RABGAP1L: variants seen among roughly 807,000 people sequenced by gnomAD.
RABGAP1L encodes the protein RAB GTPase activating protein 1 like.
RABGAP1L carries 63 observed loss-of-function variants against 137.7 expected under a neutral mutation model. The ratio of observed to expected loss-of-function variants is 0.46; its 90% CI spans 0.37 to 0.56. The LOEUF is 0.56. RABGAP1L is among the 20% of genes least tolerant of loss of function. RABGAP1L has a pLI of 0.00. For synonymous variants in RABGAP1L, 431 were observed against 433.7 expected (o/e 0.99, Z 0.08); for missense variants, 1,095 against 1,244.0 (o/e 0.88, Z 1.80).
At chr1:174,877,757 T>A in intron 19 of RABGAP1L, 2 of 767,636 alleles carry the variant, frequency 2.6e-6, no homozygotes, top group Non-Finnish European at 4.1e-6. Context: ...AACACTCATA[T>A]AACAGTAGCA....
intron 18 of RABGAP1L, among the ~76,000 whole-genome samples, chr1:174,763,624 C>T (rs1685420965): frequency 8.3e-6 from 1 of 120,590 alleles, no homozygotes; most frequent in Non-Finnish European, 1.6e-5. Flanking sequence ...GCACTCCAGC[C>T]TGGGCGACAG....
At chr1:174,490,136 T>C (rs1228780089) in intron 13 of RABGAP1L, among the ~76,000 whole-genome samples, 1 of 152,066 alleles carries the variant, frequency 6.6e-6, no homozygotes, top group Non-Finnish European at 1.5e-5. Context: ...ATTATGTTGA[T>C]GGTTGTAGAT....
At chr1:174,611,571 AGTTTT>A (rs1671256167) in intron 13 of RABGAP1L, among the ~76,000 whole-genome samples, 1 of 149,342 alleles carries the variant, frequency 6.7e-6, no homozygotes, top group Admixed American at 6.7e-5. Context: ...ACTTTAAAGT[AGTTTT>A]TTCCAATTCT....
At chr1:174,789,616 T>C (rs1687706214) in intron 18 of RABGAP1L, among the ~76,000 whole-genome samples, 1 of 152,160 alleles carries the variant, frequency 6.6e-6, no homozygotes, top group Non-Finnish European at 1.5e-5. Flanking sequence ...CACAAGTTAC[T>C]GTGTTGTGTC....
At position 174,472,813 on chromosome 1, in the gene RABGAP1L, A is replaced by G. The variant is rs1658090830; in HGVS notation, c.1710+78668A>G. On this transcript the variant is annotated intron_variant, in intron 13 of 25. Coordinates refer to ENST00000681986, the MANE Select transcript of RABGAP1L (RefSeq NM_001366446.1). ...ATTGTTCATATAACAGTTTAGGTAC[A>G]ATAAACCACATTTATCAGGGAATAA... 3.9e-5 allele frequency among the ~76,000 whole-genome samples: 6 copies of G among 152,202 alleles called. 1 individual carries two copies. In the South Asian group the frequency reaches 1.2e-3, roughly 31 times the overall value.
intron 19 of RABGAP1L, among the ~76,000 whole-genome samples, chr1:174,896,129 G>A (rs574686076): frequency 1.8e-4 from 28 of 152,202 alleles, no homozygotes; most frequent in African/African-American, 3.9e-4. Flanking sequence ...TTTAATGATC[G>A]CCATTCTAAC....
intron 19 of RABGAP1L, chr1:174,892,726 T>TCC (rs2149125174): frequency 2.5e-5 from 12 of 476,212 alleles, no homozygotes; most frequent in African/African-American, 1.9e-4. Context: ...TTTCTTTGTT[T>TCC]TCTTTCTTTT....
At chr1:174,569,344 T>C (rs1667813948) in intron 13 of RABGAP1L, among the ~76,000 whole-genome samples, 2 of 152,272 alleles carry the variant, frequency 1.3e-5, no homozygotes, top group South Asian at 4.1e-4. Flanking sequence ...CTTCCTCCTG[T>C]TACAGACATG....
chr1:174,848,906 C>T (rs1321454918), intron 19 of RABGAP1L, among the ~76,000 whole-genome samples: 1 of 150,800 alleles, frequency 6.6e-6, no homozygotes, highest in African/African-American at 2.4e-5. Flanking sequence ...ACCCTCCGAG[C>T]CAGGTGTGGG....
chr1:174,184,558 A>G (rs1666651278), intron 1 of RABGAP1L, among the ~76,000 whole-genome samples: 1 of 152,220 alleles, frequency 6.6e-6, no homozygotes, highest in Non-Finnish European at 1.5e-5. Context: ...TAAAATGTCC[A>G]AAACGAAATC....
intron 11 of RABGAP1L, among the ~76,000 whole-genome samples, chr1:174,309,997 C>CT (rs941782619): frequency 3.3e-5 from 5 of 152,086 alleles, no homozygotes; most frequent in East Asian, 1.9e-4. Context: ...CCTGAGCTTC[C>CT]TTTTTTTGCT....
intron 19 of RABGAP1L, among the ~76,000 whole-genome samples, chr1:174,855,280 C>T (rs559730151): frequency 3.4e-4 from 52 of 152,246 alleles, no homozygotes; most frequent in African/African-American, 1.2e-3. Context: ...GCCAGGTAGA[C>T]CACCACTCTG....
At chr1:174,859,277 C>A (rs1046597984) in intron 19 of RABGAP1L, among the ~76,000 whole-genome samples, 1 of 151,900 alleles carries the variant, frequency 6.6e-6, no homozygotes, top group African/African-American at 2.4e-5. Context: ...GTCAGGAGAT[C>A]GAGACCATCT....
chr1:174,696,878 G>A (rs192018841), intron 15 of RABGAP1L, among the ~76,000 whole-genome samples: 16 of 152,266 alleles, frequency 1.1e-4, no homozygotes, highest in Admixed American at 7.8e-4. Context: ...TGTTTCTTGC[G>A]TGGATAGTTG....
At chr1:174,216,587 G>GTTT in intron 1 of RABGAP1L, among the ~76,000 whole-genome samples, 1 of 137,310 alleles carries the variant, frequency 7.3e-6, no homozygotes, top group Non-Finnish European at 1.6e-5. Flanking sequence ...TTGCTGTCAT[G>GTTT]TTTTTTTTTT....
chr1:174,493,428 T>C (rs1208180574), intron 13 of RABGAP1L, among the ~76,000 whole-genome samples: 1 of 151,800 alleles, frequency 6.6e-6, no homozygotes, highest in Non-Finnish European at 1.5e-5. Context: ...TCCAAAATAA[T>C]ACTCTCAGTC....
chr1:174,551,460 G>A (rs1268495518), intron 13 of RABGAP1L, among the ~76,000 whole-genome samples: 1 of 151,986 alleles, frequency 6.6e-6, no homozygotes, highest in Non-Finnish European at 1.5e-5. Flanking sequence ...ACATACAACT[G>A]AATGAAAATA....
chr1:174,878,925 GT>G (rs869251284), intron 19 of RABGAP1L, among the ~76,000 whole-genome samples: 1,832 of 85,088 alleles, frequency 0.022, 3 homozygotes, highest in Middle Eastern at 0.048. Flanking sequence ...TTTGTGCATT[GT>G]TTTTTTTTTT....
At chr1:174,209,074 A>G (rs1206736011) in intron 1 of RABGAP1L, among the ~76,000 whole-genome samples, 1 of 152,190 alleles carries the variant, frequency 6.6e-6, no homozygotes, top group Non-Finnish European at 1.5e-5. Context: ...AGGAGCACTC[A>G]ACCTAGATCC....
Sources: gnomAD v4.1 joint callset for allele counts (sites outside exome capture counted in the v4.1 genomes callset) on GRCh38, gnomAD v4.1.1 for gene constraint, MANE v1.5 for transcripts, NCBI Gene and HGNC (gene_info 2026-07-23, HGNC 2026-07-21) for gene names.